The following GRAMD1C variants were observed in gnomAD, a reference collection of about 807,000 sequenced individuals.
The protein encoded by GRAMD1C is GRAM domain containing 1C.
In GRAMD1C, 89 loss-of-function variants were observed where a neutral mutation model predicts 97.8. The ratio of observed to expected loss-of-function variants is 0.91; its 90% CI spans 0.77 to 1.09. GRAMD1C has a LOEUF of 1.09. GRAMD1C is among the 50% of genes least tolerant of loss of function. The probability of loss-of-function intolerance (pLI) is 0.00; values close to 1 mark genes in which losing one functional copy is unlikely to be tolerated. For synonymous variants in GRAMD1C, 256 were observed against 267.0 expected (o/e 0.96, Z 0.40); for missense variants, 740 against 766.4 (o/e 0.97, Z 0.41).
intron 1 of GRAMD1C, among the ~76,000 whole-genome samples, chr3:113,843,479 G>A (rs951515071): frequency 3.3e-5 from 5 of 151,586 alleles, no homozygotes; most frequent in African/African-American, 9.7e-5. Context: ...GCAATTACCC[G>A]ATGGGCCCAT....
chr3:113,919,825 A>G (rs1936968714), intron 10 of GRAMD1C: 1 of 640,404 alleles, frequency 1.6e-6, no homozygotes, highest in Non-Finnish European at 2.9e-6. Context: ...TAGTAAGAAT[A>G]AAAATACAAC....
intron 2 of GRAMD1C, among the ~76,000 whole-genome samples, chr3:113,855,049 C>T (rs767215544): frequency 1.3e-5 from 2 of 152,130 alleles, no homozygotes; most frequent in East Asian, 3.9e-4. Flanking sequence ...TGGTGGCTCA[C>T]GCCTGTAATC....
chr3:113,844,720 T>C lies in GRAMD1C; in HGVS notation c.174+71T>C. Reference sequence around the variant, plus strand: ...TTCTTTAAATCTGCAAGGAGTCATATAGTATTTGTAAAATTTCCTTCTTAG... The same window carrying C: ...TTCTTTAAATCTGCAAGGAGTCATACAGTATTTGTAAAATTTCCTTCTTAG... On this transcript the variant is annotated intron_variant, in intron 2 of 17. Transcript: ENST00000358160. The C allele has an allele frequency of 5.6e-6, 6 of 1,071,488 alleles. 1 individual carries two copies. Among genetic ancestry groups the C allele is most frequent in the Non-Finnish European group, 4.1e-6 (3 of 737,640 alleles). 66.4% of individuals were successfully genotyped at this position (1,071,488 alleles called of 1,614,324 possible). A position where few individuals can be genotyped will look rare whatever the true frequency, so the allele number is the denominator to read the frequency against.
chr3:113,848,357 G>A (rs1199379618), intron 2 of GRAMD1C, among the ~76,000 whole-genome samples: 1 of 152,158 alleles, frequency 6.6e-6, no homozygotes, highest in Non-Finnish European at 1.5e-5. Context: ...TGGCTAATAA[G>A]TGCCTTTCTG....
intron 6 of GRAMD1C, chr3:113,890,502 C>T: frequency 2.1e-6 from 1 of 487,060 alleles, no homozygotes; most frequent in Non-Finnish European, 3.6e-6. Flanking sequence ...AAGGAAGCCT[C>T]CTTCACCCAC....
chr3:113,864,759 C>G (rs1934519959), intron 2 of GRAMD1C, among the ~76,000 whole-genome samples: 1 of 152,120 alleles, frequency 6.6e-6, no homozygotes, highest in African/African-American at 2.4e-5. Context: ...CAGACTTTCC[C>G]TAATCTTCTT....
intron 6 of GRAMD1C, among the ~76,000 whole-genome samples, chr3:113,895,809 T>C (rs1935916923): frequency 6.6e-6 from 1 of 152,186 alleles, no homozygotes; most frequent in South Asian, 2.1e-4. Context: ...ATCCTTTTTC[T>C]TGCCTCTTTG....
At chr3:113,840,567 C>G (rs1488554179) in intron 1 of GRAMD1C, among the ~76,000 whole-genome samples, 1 of 151,878 alleles carries the variant, frequency 6.6e-6, no homozygotes, top group South Asian at 2.1e-4. Context: ...AAAGCAAGAC[C>G]CTGTATCTAC....
upstream of GRAMD1C, among the ~76,000 whole-genome samples, chr3:113,835,091 A>C (rs1709616104): frequency 6.6e-6 from 1 of 152,050 alleles, no homozygotes; most frequent in African/African-American, 2.4e-5. Flanking sequence ...CATGACCATT[A>C]ATCTCCTAAT....
At chr3:113,914,460 C>T (rs1002769673) in intron 9 of GRAMD1C, among the ~76,000 whole-genome samples, 3 of 152,058 alleles carry the variant, frequency 2.0e-5, no homozygotes, top group Non-Finnish European at 4.4e-5. Flanking sequence ...AGACTATTGC[C>T]CTTTGATTTA....
In GRAMD1C at chr3:113,891,736, A is replaced by G. The variant is rs1935733535; in HGVS notation, c.540+8904A>G. On this transcript the variant is annotated intron_variant, in intron 6 of 17. Transcript: ENST00000358160. ...CTAAAAAAAAAAAAAAGTTAAAAAA[A>G]ATTAGCTAGGTGTGGTGGTGCATGC... Among the ~76,000 whole-genome samples the G allele has an allele frequency of 2.6e-5, 4 of 151,866 alleles. No homozygotes were observed. In the South Asian group the frequency reaches 8.3e-4, roughly 31 times the overall value.
intron 6 of GRAMD1C, among the ~76,000 whole-genome samples, chr3:113,897,119 A>G (rs1434210652): frequency 6.6e-6 from 1 of 152,176 alleles, no homozygotes; most frequent in Non-Finnish European, 1.5e-5. Flanking sequence ...TTACATTTAC[A>G]GCACTCAGAG....
intron 2 of GRAMD1C, among the ~76,000 whole-genome samples, chr3:113,858,919 C>G (rs974166413): frequency 1.3e-5 from 2 of 152,142 alleles, no homozygotes; most frequent in Non-Finnish European, 2.9e-5. Flanking sequence ...TCTGTAGAGT[C>G]TACAGTGCTG....
chr3:113,842,421 G>C (rs1933370446), intron 1 of GRAMD1C, among the ~76,000 whole-genome samples: 1 of 152,158 alleles, frequency 6.6e-6, no homozygotes, highest in African/African-American at 2.4e-5. Flanking sequence ...TGTTTTGTTA[G>C]ATCAGTTTAT....
intron 6 of GRAMD1C, chr3:113,885,220 C>T: frequency 8.4e-6 from 7 of 837,834 alleles, no homozygotes; most frequent in Non-Finnish European, 1.2e-5. Flanking sequence ...CCCCTCCCTT[C>T]GGCGGGGGTT....
chr3:113,875,610 T>G (rs768508283), intron 4 of GRAMD1C, 23 bp downstream of exon 4: 1 of 983,638 alleles, frequency 1.0e-6, no homozygotes, highest in South Asian at 1.3e-5. Context: ...GCATTTGATT[T>G]GTTGATACAA....
intron 9 of GRAMD1C, among the ~76,000 whole-genome samples, chr3:113,914,887 T>C (rs963109928): frequency 2.0e-5 from 3 of 152,198 alleles, no homozygotes; most frequent in Admixed American, 1.3e-4. Flanking sequence ...TCTCATAGCA[T>C]TGCAGTGAGA....
intron 6 of GRAMD1C, among the ~76,000 whole-genome samples, chr3:113,883,684 A>G (rs1456627609): frequency 6.6e-6 from 1 of 152,214 alleles, no homozygotes; most frequent in Non-Finnish European, 1.5e-5. Flanking sequence ...GAATGTAGTA[A>G]TATCAGACAA....
intron 2 of GRAMD1C, among the ~76,000 whole-genome samples, chr3:113,860,315 C>T (rs1044615956): frequency 5.3e-5 from 8 of 151,938 alleles, no homozygotes; most frequent in South Asian, 2.1e-4. Context: ...CCACTGCACT[C>T]GGCCAAAATG....
Sources: gnomAD v4.1 joint callset for allele counts (sites outside exome capture counted in the v4.1 genomes callset) on GRCh38, gnomAD v4.1.1 for gene constraint, MANE v1.5 for transcripts, NCBI Gene and HGNC (gene_info 2026-07-23, HGNC 2026-07-21) for gene names.